Variants in KDM7A observed in about 807,000 individuals in gnomAD.
KDM7A encodes the protein lysine demethylase 7A.
Under a neutral mutation model 114.8 loss-of-function variants are expected in KDM7A, and 28 were observed. That is an observed-to-expected ratio of 0.24 (90% CI 0.18 to 0.33). KDM7A has a LOEUF of 0.33. KDM7A is among the 10% of genes least tolerant of loss of function. The pLI, the probability that KDM7A is intolerant of heterozygous loss-of-function variation, is 1.00. For synonymous variants in KDM7A, 423 were observed against 397.8 expected (o/e 1.06, Z -0.75); for missense variants, 942 against 1,142.5 (o/e 0.82, Z 2.53).
intron 11 of KDM7A, among the ~76,000 whole-genome samples, chr7:140,103,460 C>CT (rs1372171363): frequency 6.6e-6 from 1 of 151,746 alleles, no homozygotes; most frequent in Non-Finnish European, 1.5e-5. Context: ...TATCCCTCCC[C>CT]CCCCCTCCAA....
chr7:140,151,059 G>C (rs1450448088), intron 1 of KDM7A, among the ~76,000 whole-genome samples: 1 of 152,052 alleles, frequency 6.6e-6, no homozygotes, highest in Admixed American at 6.5e-5. Flanking sequence ...TCGAACTCTT[G>C]ACCTCAGGTG....
intron 2 of KDM7A, among the ~76,000 whole-genome samples, chr7:140,137,017 AAGAG>A (rs1245070219): frequency 1.3e-5 from 2 of 152,034 alleles, no homozygotes; most frequent in African/African-American, 2.4e-5. Flanking sequence ...AAAAAAAAAA[AAGAG>A]AGAAGCTTAA....
intron 1 of KDM7A, among the ~76,000 whole-genome samples, chr7:140,159,683 G>C (rs771453714): frequency 2.0e-5 from 3 of 152,196 alleles, no homozygotes; most frequent in Non-Finnish European, 2.9e-5. Flanking sequence ...GCTGTGGGCA[G>C]TTTCTCACAT....
intron 1 of KDM7A, among the ~76,000 whole-genome samples, chr7:140,142,124 A>C (rs960607873): frequency 4.7e-5 from 7 of 149,424 alleles, no homozygotes; most frequent in African/African-American, 1.7e-4. Context: ...TCTCATAAAA[A>C]TGTATTCCAA....
chr7:140,108,595 G>C (rs900606389), intron 11 of KDM7A, among the ~76,000 whole-genome samples: 2 of 152,182 alleles, frequency 1.3e-5, no homozygotes, highest in East Asian at 1.9e-4. Context: ...AAATATTGCA[G>C]AACAGCAAAG....
intron 1 of KDM7A, among the ~76,000 whole-genome samples, chr7:140,143,906 G>A (rs990682054): frequency 2.6e-5 from 4 of 152,174 alleles, no homozygotes; most frequent in African/African-American, 7.2e-5. Context: ...AGCAAAAGGT[G>A]AATATGCTAA....
In KDM7A at chr7:140,114,393, C is replaced by A. The variant is rs941907900; in HGVS notation, c.1247-811G>T. ...CTGTGTTGGCCGGGCTGGTCTCCAG[C>A]TCCTAACCGCGAGTGATCTGCCAGC... On this transcript the variant is annotated intron_variant, in intron 9 of 19. Transcript: ENST00000397560. Among the ~76,000 whole-genome samples the A allele has an allele frequency of 2.6e-5, 4 of 152,296 alleles. No individual in the cohort carries two copies. In the East Asian group the frequency reaches 5.8e-4, roughly 22 times the overall value.
intron 18 of KDM7A, 102 bp from the exon 19 acceptor site, chr7:140,092,179 A>T: frequency 9.2e-7 from 1 of 1,084,976 alleles, no homozygotes; most frequent in Non-Finnish European, 1.3e-6. Flanking sequence ...GAAACAAACT[A>T]CTGAATTCTG....
chr7:140,130,283 C>T lies in KDM7A; in HGVS notation c.399-630G>A, dbSNP rs148968072. Among the ~76,000 whole-genome samples the T allele has an allele frequency of 1.2e-3, 187 of 152,114 alleles. 2 individuals are homozygous for T. The highest frequency in any genetic ancestry group is 1.9e-3 in the Non-Finnish European group (131 of 67,992). ...ACCAGAAGCCACTTGATACAGGATG[C>T]GTAGAAATTTGGGAGAGCAAAAGGT... On this transcript the variant is annotated intron_variant, in intron 3 of 19. Transcript: ENST00000397560.
At chr7:140,102,751 C>A (rs1818254252) in intron 11 of KDM7A, among the ~76,000 whole-genome samples, 1 of 152,104 alleles carries the variant, frequency 6.6e-6, no homozygotes, top group Non-Finnish European at 1.5e-5. Context: ...TTACTGGTAG[C>A]CATTTAGGCT....
At chr7:140,143,843 C>CAT (rs2116827059) in intron 1 of KDM7A, among the ~76,000 whole-genome samples, 1 of 152,280 alleles carries the variant, frequency 6.6e-6, no homozygotes, top group African/African-American at 2.4e-5. Context: ...TTGAGTAGAA[C>CAT]ATAAGTTTAC....
At chr7:140,095,100 G>A (rs372080562) in intron 17 of KDM7A, among the ~76,000 whole-genome samples, 3 of 152,086 alleles carry the variant, frequency 2.0e-5, no homozygotes, top group Non-Finnish European at 4.4e-5. Context: ...CGCCCACCTC[G>A]GCCTCCCAAA....
At chr7:140,152,863 G>C (rs904209092) in intron 1 of KDM7A, among the ~76,000 whole-genome samples, 1 of 152,006 alleles carries the variant, frequency 6.6e-6, no homozygotes, top group African/African-American at 2.4e-5. Flanking sequence ...AGTCCATTTT[G>C]TAATTCCTTT....
At chr7:140,091,643 T>C (rs1818021954) in intron 19 of KDM7A, among the ~76,000 whole-genome samples, 161 bp downstream of exon 19, 1 of 152,196 alleles carries the variant, frequency 6.6e-6, no homozygotes, top group South Asian at 2.1e-4. Flanking sequence ...GGGTATCCTT[T>C]TTCTTTGTTC....
intron 18 of KDM7A, 113 bp from the exon 19 acceptor site, chr7:140,092,190 AT>A: frequency 9.8e-7 from 1 of 1,016,694 alleles, no homozygotes; most frequent in Non-Finnish European, 1.4e-6. Flanking sequence ...CTGAATTCTG[AT>A]TTTCTTAACA....
chr7:140,104,617 A>G (rs1311510519), intron 11 of KDM7A, among the ~76,000 whole-genome samples: 3 of 152,032 alleles, frequency 2.0e-5, no homozygotes, highest in Admixed American at 6.5e-5. Flanking sequence ...GTGTGGTATT[A>G]TTTCTGAGGG....
chr7:140,144,159 A>AG (rs1156804719), intron 1 of KDM7A, among the ~76,000 whole-genome samples: 3 of 152,340 alleles, frequency 2.0e-5, no homozygotes. Context: ...TACTGGCATA[A>AG]GGATAGACAC....
chr7:140,102,114 C>T lies in KDM7A; in HGVS notation c.1475G>A (p.Cys492Tyr). Reference sequence around the variant, plus strand: ...TTCATTTGAGGATCGTGAAACTGGACACACAATAGGAATTCCCTGAGATTT... The same window carrying T: ...TTCATTTGAGGATCGTGAAACTGGATACACAATAGGAATTCCCTGAGATTT... ...PVKSQGIPIVCPVSRSSNEAT... is the reference protein window; with the variant it reads ...PVKSQGIPIVYPVSRSSNEAT... The change falls in exon 12 of 20, where the codon TGT (cysteine) becomes TAT (tyrosine). Residue 492 changes from cysteine (C) to tyrosine (Y), a missense_variant. Cys to Tyr is a radical substitution (Grantham distance 194). Coordinates refer to ENST00000397560, the MANE Select transcript of KDM7A (RefSeq NM_030647.2). The T allele has an allele frequency of 6.2e-7, 1 of 1,614,012 alleles. No individual in the cohort carries two copies.
intron 1 of KDM7A, among the ~76,000 whole-genome samples, chr7:140,158,657 C>T (rs945695320): frequency 4.6e-5 from 7 of 151,982 alleles, no homozygotes; most frequent in Non-Finnish European, 8.8e-5. Context: ...AACAGGTGAG[C>T]GCTGGAAAAA....
Sources: gnomAD v4.1 joint callset for allele counts (sites outside exome capture counted in the v4.1 genomes callset) on GRCh38, gnomAD v4.1.1 for gene constraint, MANE v1.5 for transcripts, NCBI Gene and HGNC (gene_info 2026-07-23, HGNC 2026-07-21) for gene names.